Variants in DRC11 observed in about 807,000 individuals in gnomAD.
DRC11 encodes IQ and AAA domain-containing protein 1.
the DRC11 span, among the ~76,000 whole-genome samples, chr2:236,319,811 C>G: frequency 6.6e-6 from 1 of 152,198 alleles, no homozygotes; most frequent in Non-Finnish European, 1.5e-5. The surrounding 1 kb of genome is among the most constrained non-coding windows in gnomAD (Gnocchi z 6.7). Flanking sequence ...ATCACGAACT[C>G]TCAGATTCTC....
the DRC11 span, among the ~76,000 whole-genome samples, chr2:236,425,678 CT>C: frequency 2.6e-5 from 4 of 151,856 alleles, no homozygotes; most frequent in Non-Finnish European, 4.4e-5. Context: ...GTTGCCTGTG[CT>C]TTTGGGGTCA....
chr2:236,455,959 C>T, the DRC11 span, among the ~76,000 whole-genome samples: 1 of 152,078 alleles, frequency 6.6e-6, no homozygotes, highest in Non-Finnish European at 1.5e-5. The surrounding 1 kb of genome is among the most constrained non-coding windows in gnomAD (Gnocchi z 5.7). Context: ...ACTGGCAGCC[C>T]TTGCTCTCCG....
the DRC11 span, among the ~76,000 whole-genome samples, chr2:236,357,337 A>AAT: frequency 0.012 from 1,420 of 115,580 alleles, 35 homozygotes; most frequent in African/African-American, 0.047. Flanking sequence ...TTCATATATG[A>AAT]ATATATATAT....
At chr2:236,383,371 AAT>A in the DRC11 span, among the ~76,000 whole-genome samples, 2 of 152,084 alleles carry the variant, frequency 1.3e-5, no homozygotes, top group Admixed American at 6.6e-5. Flanking sequence ...CAATTTTTAA[AAT>A]CCTTTCAGAA....
At chr2:236,485,937 T>A in the DRC11 span, among the ~76,000 whole-genome samples, 1 of 152,238 alleles carries the variant, frequency 6.6e-6, no homozygotes, top group African/African-American at 2.4e-5. Context: ...CCCCGCCTCC[T>A]GGTCTTCTTC....
the DRC11 span, among the ~76,000 whole-genome samples, chr2:236,374,822 C>T: frequency 6.6e-6 from 1 of 151,036 alleles, no homozygotes; most frequent in Non-Finnish European, 1.5e-5. Flanking sequence ...TCCTGAGTAA[C>T]TGGGATTACA....
chr2:236,438,585 T>G, the DRC11 span, among the ~76,000 whole-genome samples: 1 of 152,190 alleles, frequency 6.6e-6, no homozygotes, highest in African/African-American at 2.4e-5. Flanking sequence ...GCATGGAATG[T>G]TCTTCCATTT....
chr2:236,502,007 A>G, the DRC11 span, among the ~76,000 whole-genome samples: 1 of 152,188 alleles, frequency 6.6e-6, no homozygotes, highest in Non-Finnish European at 1.5e-5. Context: ...ATAGATGCCA[A>G]GAAGATGCTC....
At chr2:236,368,239 G>T in the DRC11 span, 1 of 1,611,538 alleles carries the variant, frequency 6.2e-7, no homozygotes, top group Admixed American at 1.7e-5. Flanking sequence ...CTGACATCCA[G>T]GAGGGAGGGC....
chr2:236,495,786 A>C, the DRC11 span, among the ~76,000 whole-genome samples: 1 of 152,126 alleles, frequency 6.6e-6, no homozygotes, highest in Non-Finnish European at 1.5e-5. The surrounding 1 kb of genome is among the most constrained non-coding windows in gnomAD (Gnocchi z 5.6). Context: ...TATTTCTAGG[A>C]CTGCTAGGAA....
chr2:236,379,295 A>G, the DRC11 span, among the ~76,000 whole-genome samples: 7 of 123,054 alleles, frequency 5.7e-5, no homozygotes. Context: ...AAGGGGAGGG[A>G]ACCCCCAAAC....
chr2:236,354,676 G>C, the DRC11 span, among the ~76,000 whole-genome samples: 1 of 152,150 alleles, frequency 6.6e-6, no homozygotes, highest in South Asian at 2.1e-4. Flanking sequence ...ATCAAACCCT[G>C]GTCCCGCCTT....
the DRC11 span, among the ~76,000 whole-genome samples, chr2:236,498,434 T>C: frequency 0.082 from 12,347 of 150,858 alleles, 1,486 homozygotes; most frequent in African/African-American, 0.26. Context: ...CGCTGCATTC[T>C]AGCCTGGCAA....
At chr2:236,418,629 C>G in the DRC11 span, among the ~76,000 whole-genome samples, 7 of 152,210 alleles carry the variant, frequency 4.6e-5, no homozygotes, top group East Asian at 9.6e-4. Context: ...TTCCAACCCC[C>G]CTACACGACG....
chr2:236,343,657 G>C, the DRC11 span: 1 of 1,162,302 alleles, frequency 8.6e-7, no homozygotes, highest in Non-Finnish European at 1.2e-6. This position sits in a 1 kb window ranked among gnomAD's most constrained non-coding sequence, Gnocchi z 6.6. Context: ...TTAGACGTGG[G>C]ACCTGGTGGA....
chr2:236,323,179 C>A, the DRC11 span, among the ~76,000 whole-genome samples: 1 of 152,208 alleles, frequency 6.6e-6, no homozygotes, highest in African/African-American at 2.4e-5. The surrounding 1 kb of genome is among the most constrained non-coding windows in gnomAD (Gnocchi z 6.4). Flanking sequence ...ATCCCAGAGC[C>A]CTGATGTTCT....
At chr2:236,478,005 TTGTGTGTG>T in the DRC11 span, among the ~76,000 whole-genome samples, 58 of 146,794 alleles carry the variant, frequency 4.0e-4, no homozygotes, top group Non-Finnish European at 6.3e-4. This position sits in a 1 kb window ranked among gnomAD's most constrained non-coding sequence, Gnocchi z 5.9. Flanking sequence ...TTTTGTTGAT[TTGTGTGTG>T]TGTGTGTGTG....
the DRC11 span, among the ~76,000 whole-genome samples, chr2:236,311,155 T>G: frequency 6.6e-6 from 1 of 152,180 alleles, no homozygotes; most frequent in Non-Finnish European, 1.5e-5. This position sits in a 1 kb window ranked among gnomAD's most constrained non-coding sequence, Gnocchi z 6.9. Flanking sequence ...GGCATCGGTT[T>G]CTAGCTGGTA....
the DRC11 span, among the ~76,000 whole-genome samples, chr2:236,463,038 C>T: frequency 9.2e-5 from 14 of 152,120 alleles, no homozygotes; most frequent in African/African-American, 2.9e-4. The surrounding 1 kb of genome is among the most constrained non-coding windows in gnomAD (Gnocchi z 5.0). Flanking sequence ...AGTCTGAGAA[C>T]GATGGTAGCA....
Sources: allele counts gnomAD v4.1 joint callset (sites outside exome capture counted in the v4.1 genomes callset), GRCh38; gene constraint gnomAD v4.1.1; non-coding constraint Gnocchi (gnomAD v3.1); transcripts MANE v1.5; gene names NCBI Gene and HGNC (gene_info 2026-07-23, HGNC 2026-07-21).